Variants in LIPK observed in about 807,000 individuals in gnomAD.
LIPK encodes the protein lipase member K.
LIPK carries 32 observed loss-of-function variants against 48.6 expected under a neutral mutation model. The observed-to-expected ratio is 0.66, with a 90% confidence interval of 0.50 to 0.88. The LOEUF is 0.88. Among genes scored for constraint, LIPK ranks in the 40% least tolerant of loss-of-function variants. The pLI, the probability that LIPK is intolerant of heterozygous loss-of-function variation, is 0.00. For missense variants in LIPK, 507 were observed against 478.5 expected (o/e 1.06, Z -0.56); for synonymous variants, 164 against 157.4 (o/e 1.04, Z -0.32).
chr10:88,716,663 T>C (rs1842125930), intron 1 of LIPK, among the ~76,000 whole-genome samples: 1 of 152,110 alleles, frequency 6.6e-6, no homozygotes, highest in African/African-American at 2.4e-5. Flanking sequence ...GGCCAGAATA[T>C]AGGAAAATTT....
intron 1 of LIPK, among the ~76,000 whole-genome samples, chr10:88,723,387 T>C (rs988408861): frequency 6.6e-6 from 1 of 152,152 alleles, no homozygotes; most frequent in African/African-American, 2.4e-5. Flanking sequence ...CTGTATTAAT[T>C]TATATGTCAA....
chr10:88,724,688 T>TTA lies in LIPK; in HGVS notation c.105+42_105+43dup, dbSNP rs1279744502. On this transcript the variant is annotated intron_variant, in intron 2 of 9. Transcript: ENST00000404190. ...CAGAAAAAAATGCTAAAATAAGGAA[T>TTA]TATTCATATTTCAGCATTTTAGATA... 6 of 1,385,062 alleles carry TTA rather than the reference T, an allele frequency of 4.3e-6. No individual in the cohort carries two copies. The African/African-American group carries it at 7.4e-5, about 17-fold the overall frequency. The allele number at this position is 1,385,062 out of a possible 1,614,324, so 85.8% of individuals were successfully genotyped here.
chr10:88,724,660 A>G lies in LIPK; in HGVS notation c.105+12A>G. The G allele has an allele frequency of 7.1e-7, 1 of 1,413,030 alleles. No homozygotes were observed. The highest frequency in any genetic ancestry group is 9.3e-7 in the Non-Finnish European group (1 of 1,077,972). 87.5% of individuals were successfully genotyped at this position (1,413,030 alleles called of 1,614,324 possible). A position where few individuals can be genotyped will look rare whatever the true frequency, so the allele number is the denominator to read the frequency against. On this transcript the variant is annotated intron_variant, in intron 2 of 9. Coordinates refer to ENST00000404190, the MANE Select transcript of LIPK (RefSeq NM_001080518.2). ...CTAATATGAATATTGTAAGTCATTT[A>G]TTCAGAAAAAAATGCTAAAATAAGG... is the stretch of plus-strand genomic sequence containing the variant.
intron 6 of LIPK, among the ~76,000 whole-genome samples, chr10:88,737,192 G>T (rs117098908): frequency 2.6e-5 from 4 of 152,060 alleles, no homozygotes; most frequent in Admixed American, 2.6e-4. Context: ...TTGCATGTGC[G>T]CTAGATGCTA....
intron 1 of LIPK, among the ~76,000 whole-genome samples, chr10:88,720,094 A>G (rs1410136421): frequency 6.6e-6 from 1 of 152,190 alleles, no homozygotes; most frequent in Non-Finnish European, 1.5e-5. Context: ...ACTATTGGAG[A>G]AAGGGAGATT....
intron 4 of LIPK, among the ~76,000 whole-genome samples, chr10:88,731,567 G>A (rs764649384): frequency 6.6e-6 from 1 of 152,228 alleles, no homozygotes; most frequent in Non-Finnish European, 1.5e-5. Flanking sequence ...ACTGGCATAG[G>A]AGCTAAGAAC....
intron 6 of LIPK, among the ~76,000 whole-genome samples, chr10:88,736,868 A>G (rs1842582134): frequency 6.6e-6 from 1 of 152,222 alleles, no homozygotes. Flanking sequence ...TCTGGTTAAT[A>G]AAGAATTCTA....
chr10:88,719,260 T>C (rs934273841), intron 1 of LIPK, among the ~76,000 whole-genome samples: 6 of 152,214 alleles, frequency 3.9e-5, no homozygotes, highest in Admixed American at 3.9e-4. Flanking sequence ...GGTGTTATTA[T>C]CCTCACCATA....
intron 7 of LIPK, among the ~76,000 whole-genome samples, chr10:88,739,045 C>T (rs979643947): frequency 1.3e-5 from 2 of 152,150 alleles, no homozygotes; most frequent in East Asian, 3.8e-4. Flanking sequence ...GAAAATAACT[C>T]TTTTAATTTA....
At chr10:88,715,643 T>C (rs979098822) in intron 1 of LIPK, among the ~76,000 whole-genome samples, 2 of 152,110 alleles carry the variant, frequency 1.3e-5, no homozygotes, top group African/African-American at 4.8e-5. Context: ...TTAATGTAAT[T>C]TTTGGTACAG....
chr10:88,723,673 A>G (rs2134713624), intron 1 of LIPK, among the ~76,000 whole-genome samples: 1 of 152,274 alleles, frequency 6.6e-6, no homozygotes, highest in East Asian at 1.9e-4. Context: ...AATACTGGAT[A>G]TAGAAAATTT....
At chr10:88,726,754 G>C in intron 2 of LIPK, 41 bp from the exon 3 acceptor site, 1 of 943,672 alleles carries the variant, frequency 1.1e-6, no homozygotes, top group Non-Finnish European at 1.7e-6. Context: ...AAAATTAAGA[G>C]ATTATAACAT....
At chr10:88,714,683 A>G (rs570130771) in intron 1 of LIPK, among the ~76,000 whole-genome samples, 1 of 152,164 alleles carries the variant, frequency 6.6e-6, no homozygotes, top group East Asian at 1.9e-4. Flanking sequence ...AGTTTTCAGA[A>G]TATTCTCTTA....
intron 2 of LIPK, among the ~76,000 whole-genome samples, chr10:88,725,541 G>C (rs1164092876): frequency 6.6e-6 from 1 of 152,098 alleles, no homozygotes; most frequent in Non-Finnish European, 1.5e-5. Flanking sequence ...GTCTGACTTG[G>C]GAAAATGCAT....
intron 8 of LIPK, 96 bp from the exon 9 acceptor site, chr10:88,743,154 G>T: frequency 4.5e-6 from 3 of 673,388 alleles, no homozygotes; most frequent in East Asian, 2.9e-5. Context: ...CTAAAGACTG[G>T]GGCATAATGT....
rs1339893203 is a variant in LIPK, at chr10:88,749,826, G to A, written c.961-2691G>A. 2.0e-5 allele frequency among the ~76,000 whole-genome samples: 3 copies of A among 152,116 alleles called. No homozygotes were observed. In the East Asian group the frequency reaches 5.8e-4, roughly 29 times the overall value. ...AAGTGGAACCTAATTAAACTAAAGAGCTTTTGAATAGCAAAAGAAACTATC... is the reference window on the plus strand; with the variant it reads ...AAGTGGAACCTAATTAAACTAAAGAACTTTTGAATAGCAAAAGAAACTATC... On this transcript the variant is annotated intron_variant, in intron 9 of 9. Transcript: ENST00000404190.
chr10:88,710,640 G>A (rs1382387365), intron 1 of LIPK, among the ~76,000 whole-genome samples: 1 of 152,100 alleles, frequency 6.6e-6, no homozygotes, highest in African/African-American at 2.4e-5. Context: ...TAACGTTTGT[G>A]ATATTTATCC....
At chr10:88,716,786 G>A in intron 1 of LIPK, among the ~76,000 whole-genome samples, 1 of 152,122 alleles carries the variant, frequency 6.6e-6, no homozygotes, top group East Asian at 1.9e-4. Context: ...ATTAAAGACT[G>A]CAAAAAGAAA....
Position 88,737,797 on chromosome 10 carries a change from T to C in LIPK, c.816+16T>C. 1 of 1,612,678 alleles carries C rather than the reference T, an allele frequency of 6.2e-7. No homozygotes were observed. Among genetic ancestry groups the C allele is most frequent in the Non-Finnish European group, 8.5e-7 (1 of 1,178,932 alleles). On this transcript the variant is annotated intron_variant, in intron 7 of 9. Transcript: ENST00000404190. ...CTTAAATATGGTAGGTGTAAGTAATTGGGTCTGGGAAAACATTTGTTTTGT... is the reference window on the plus strand; with the variant it reads ...CTTAAATATGGTAGGTGTAAGTAATCGGGTCTGGGAAAACATTTGTTTTGT...
Sources: gnomAD v4.1 joint callset for allele counts (sites outside exome capture counted in the v4.1 genomes callset) on GRCh38, gnomAD v4.1.1 for gene constraint, MANE v1.5 for transcripts, NCBI Gene and HGNC (gene_info 2026-07-23, HGNC 2026-07-21) for gene names.